Variants in SDK1 observed in about 807,000 individuals in gnomAD.
SDK1 encodes protein sidekick-1.
A neutral mutation model predicts 245.5 loss-of-function variants in SDK1; 157 were observed. That is an observed-to-expected ratio of 0.64 (90% confidence interval 0.56 to 0.73). SDK1 has a LOEUF of 0.73. Among genes scored for constraint, SDK1 ranks in the 30% least tolerant of loss-of-function variants. The pLI, the probability that SDK1 is intolerant of heterozygous loss-of-function variation, is 0.00. For synonymous variants in SDK1, 1,647 were observed against 1,278.5 expected (o/e 1.29, Z -6.15); for missense variants, 3,583 against 3,002.3 (o/e 1.19, Z -4.52).
intron 1 of SDK1, among the ~76,000 whole-genome samples, chr7:3,600,838 G>A (rs1472775908): frequency 3.3e-5 from 5 of 152,110 alleles, no homozygotes; most frequent in Non-Finnish European, 5.9e-5. Context: ...ATTAGCCACC[G>A]TGCCTGGCCA....
intron 1 of SDK1, among the ~76,000 whole-genome samples, chr7:3,322,266 T>C (rs1404802404): frequency 6.6e-6 from 1 of 152,326 alleles, no homozygotes; most frequent in African/African-American, 2.4e-5. Context: ...TGGCTGCTTT[T>C]GCCTGGTGTG....
At chr7:4,020,187 G>A (rs1786773973) in intron 17 of SDK1, among the ~76,000 whole-genome samples, 1 of 151,954 alleles carries the variant, frequency 6.6e-6, no homozygotes, top group South Asian at 2.1e-4. Flanking sequence ...ATAAATTGGG[G>A]GCTGATAACA....
intron 5 of SDK1, among the ~76,000 whole-genome samples, chr7:3,827,353 A>G (rs1344194467): frequency 1.3e-5 from 2 of 152,132 alleles, no homozygotes; most frequent in African/African-American, 4.8e-5. Context: ...AAATTTTGCA[A>G]CTGCTCCTTT....
At chr7:3,471,185 T>G (rs1781171393) in intron 1 of SDK1, among the ~76,000 whole-genome samples, 1 of 152,182 alleles carries the variant, frequency 6.6e-6, no homozygotes, top group South Asian at 2.1e-4. Context: ...TGCTTGCTAA[T>G]TACTTGAGTC....
intron 14 of SDK1, among the ~76,000 whole-genome samples, chr7:4,004,245 G>A (rs1785289843): frequency 6.6e-6 from 1 of 152,192 alleles, no homozygotes; most frequent in South Asian, 2.1e-4. Flanking sequence ...AGGGAGCTCA[G>A]CCAGTGGATA....
chr7:4,108,323 T>A (rs924044399), intron 22 of SDK1, among the ~76,000 whole-genome samples: 1 of 152,216 alleles, frequency 6.6e-6, no homozygotes, highest in African/African-American at 2.4e-5. Flanking sequence ...ATGAGTGTTC[T>A]GTGGAACCTT....
At chr7:4,140,311 C>T (rs948803175) in intron 28 of SDK1, among the ~76,000 whole-genome samples, 1 of 152,156 alleles carries the variant, frequency 6.6e-6, no homozygotes, top group Non-Finnish European at 1.5e-5. Context: ...AGGCTCTTCC[C>T]GAGGACTCTC....
intron 20 of SDK1, among the ~76,000 whole-genome samples, chr7:4,076,426 C>T (rs1042949397): frequency 6.6e-6 from 1 of 152,098 alleles, no homozygotes; most frequent in African/African-American, 2.4e-5. Flanking sequence ...CATGGTGGTT[C>T]ACGCCTGTGG....
rs78307864 is a variant in SDK1 at position 4,209,301 on chromosome 7, G to A, written c.5402-724G>A. On this transcript the variant is annotated intron_variant, in intron 37 of 44. Transcript: ENST00000404826. ...AGGGCAGAGAGGGAGGAGGGTGGGT[G>A]CCACTTCACAGGCACTTCTGAGCAG... Among the ~76,000 whole-genome samples, 882 of 152,286 alleles carry A rather than the reference G, an allele frequency of 5.8e-3. 7 individuals carry two copies. The highest frequency in any genetic ancestry group is 0.02 in the African/African-American group (824 of 41,574).
At chr7:3,725,769 T>G (rs1238972941) in intron 4 of SDK1, among the ~76,000 whole-genome samples, 2 of 152,178 alleles carry the variant, frequency 1.3e-5, no homozygotes, top group African/African-American at 4.8e-5. Flanking sequence ...GTGTGGGAGT[T>G]GTACTGTCGT....
chr7:3,678,633 A>G (rs527778669), intron 4 of SDK1, among the ~76,000 whole-genome samples: 3 of 152,288 alleles, frequency 2.0e-5, no homozygotes, highest in African/African-American at 7.2e-5. Flanking sequence ...GGGGGGAGGG[A>G]GAGATGGGAG....
In SDK1 at chr7:3,655,246, C is replaced by T. The variant is rs531483436; in HGVS notation, c.713+13141C>T. On this transcript the variant is annotated intron_variant, in intron 4 of 44. Coordinates refer to ENST00000404826, the MANE Select transcript of SDK1 (RefSeq NM_152744.4). ...GTTGGGAGTTCAAGACCAGCCTGACCAACATGGAGAAACACTGTCTCTACT... is the reference window on the plus strand; with the variant it reads ...GTTGGGAGTTCAAGACCAGCCTGACTAACATGGAGAAACACTGTCTCTACT... Among the ~76,000 whole-genome samples the T allele has an allele frequency of 1.3e-4, 20 of 151,082 alleles. No individual in the cohort carries two copies. The East Asian group carries it at 2.9e-3, about 22-fold the overall frequency.
intron 5 of SDK1, among the ~76,000 whole-genome samples, chr7:3,950,460 A>G (rs780920456): frequency 5.9e-5 from 9 of 152,182 alleles, no homozygotes; most frequent in Non-Finnish European, 1.0e-4. Flanking sequence ...AGATATTTTG[A>G]GAGATAGAGA....
At chr7:4,079,364 GT>G in intron 21 of SDK1, 98 bp from the exon 22 acceptor site, 1 of 1,421,810 alleles carries the variant, frequency 7.0e-7, no homozygotes, top group South Asian at 1.3e-5. Flanking sequence ...GTATAGAATC[GT>G]TTTGAAACTG....
chr7:3,510,511 G>T (rs1005978030), intron 1 of SDK1, among the ~76,000 whole-genome samples: 1 of 152,088 alleles, frequency 6.6e-6, no homozygotes, highest in Non-Finnish European at 1.5e-5. Context: ...TTTGTACATG[G>T]GAGCCCTCAG....
intron 1 of SDK1, among the ~76,000 whole-genome samples, chr7:3,410,567 T>G (rs371713191): frequency 1.4e-5 from 2 of 145,666 alleles, no homozygotes; most frequent in Admixed American, 6.9e-5. Flanking sequence ...AAGTGGCAGG[T>G]GAAATGATAT....
chr7:3,407,713 C>T (rs546577011), intron 1 of SDK1, among the ~76,000 whole-genome samples: 1 of 152,268 alleles, frequency 6.6e-6, no homozygotes, highest in East Asian at 1.9e-4. Context: ...TTTGCAGTTA[C>T]ACAATGGAAT....
intron 4 of SDK1, among the ~76,000 whole-genome samples, chr7:3,756,648 C>G (rs1247835556): frequency 6.6e-6 from 1 of 151,940 alleles, no homozygotes; most frequent in African/African-American, 2.4e-5. Flanking sequence ...TATCTAAGAC[C>G]TTGTGCGTGT....
intron 1 of SDK1, among the ~76,000 whole-genome samples, chr7:3,546,648 C>G (rs1198613576): frequency 6.6e-6 from 1 of 151,796 alleles, no homozygotes; most frequent in African/African-American, 2.4e-5. Context: ...CTGTGGTGGG[C>G]TGCCCAGGGG....
Sources: gnomAD v4.1 joint callset for allele counts (sites outside exome capture counted in the v4.1 genomes callset) on GRCh38, gnomAD v4.1.1 for gene constraint, MANE v1.5 for transcripts, NCBI Gene and HGNC (gene_info 2026-07-23, HGNC 2026-07-21) for gene names.